The following PAX5 variants were observed in gnomAD, a reference collection of about 807,000 sequenced individuals.
PAX5 encodes paired box 5.
PAX5 carries 9 observed loss-of-function variants against 43.7 expected under a neutral mutation model. The ratio of observed to expected loss-of-function variants is 0.21; its 90% CI spans 0.12 to 0.36. The LOEUF (loss-of-function observed/expected upper bound fraction) is 0.36, where lower values mean the gene tolerates loss of function less well. Among genes scored for constraint, PAX5 ranks in the 10% least tolerant of loss-of-function variants. PAX5 has a pLI of 1.00. For missense variants in PAX5, 383 were observed against 532.7 expected (o/e 0.72, Z 2.77); for synonymous variants, 228 against 214.3 (o/e 1.06, Z -0.56).
At chr9:36,872,206 C>T (rs181532305) in intron 8 of PAX5, among the ~76,000 whole-genome samples, 189 of 146,858 alleles carry the variant, frequency 1.3e-3, no homozygotes, top group African/African-American at 4.3e-3. Context: ...GGCTCTTCTC[C>T]TTCAGTCCAG....
chr9:36,914,947 A>G (rs1829610288), intron 7 of PAX5, among the ~76,000 whole-genome samples: 2 of 152,244 alleles, frequency 1.3e-5, no homozygotes, highest in African/African-American at 4.8e-5. Flanking sequence ...ACTTCAAAGT[A>G]TATCTTAGAC....
At chr9:36,889,833 C>A (rs988770455) in intron 7 of PAX5, among the ~76,000 whole-genome samples, 2 of 151,880 alleles carry the variant, frequency 1.3e-5, no homozygotes, top group Non-Finnish European at 2.9e-5. Flanking sequence ...TCATCACGAA[C>A]TCCACAAAAT....
At chr9:37,020,047 G>A (rs936294336) in intron 2 of PAX5, among the ~76,000 whole-genome samples, 1 of 151,244 alleles carries the variant, frequency 6.6e-6, no homozygotes, top group African/African-American at 2.4e-5. Flanking sequence ...GCAGCAAATC[G>A]CCAGGTCAAG....
intron 6 of PAX5, among the ~76,000 whole-genome samples, chr9:36,954,104 C>A (rs764475248): frequency 1.1e-4 from 17 of 152,048 alleles, no homozygotes; most frequent in South Asian, 2.1e-4. Flanking sequence ...TCTAATAATT[C>A]CAAAGTCTGA....
At chr9:36,980,381 G>C (rs573330144) in intron 5 of PAX5, among the ~76,000 whole-genome samples, 7 of 152,170 alleles carry the variant, frequency 4.6e-5, no homozygotes, top group Admixed American at 6.5e-5. Context: ...AGGTGCCTCT[G>C]GGGGGAGCCA....
chr9:36,944,018 C>A (rs1832284674), intron 6 of PAX5, among the ~76,000 whole-genome samples: 1 of 151,886 alleles, frequency 6.6e-6, no homozygotes, highest in Non-Finnish European at 1.5e-5. Context: ...AGACTCCATC[C>A]CTACAAAAAT....
At chr9:36,865,531 A>G (rs1824782480) in intron 8 of PAX5, among the ~76,000 whole-genome samples, 1 of 152,120 alleles carries the variant, frequency 6.6e-6, no homozygotes, top group African/African-American at 2.4e-5. Context: ...GGAGGAAGGG[A>G]AGAGAGGAGG....
intron 9 of PAX5, among the ~76,000 whole-genome samples, chr9:36,844,869 C>G (rs1822413829): frequency 6.6e-6 from 1 of 152,208 alleles, no homozygotes; most frequent in Non-Finnish European, 1.5e-5. Context: ...GCCCCACCTC[C>G]TACACCAAGC....
chr9:36,895,276 C>T (rs923142363), intron 7 of PAX5, among the ~76,000 whole-genome samples: 6 of 152,236 alleles, frequency 3.9e-5, no homozygotes, highest in Admixed American at 2.0e-4. Context: ...CGAATGCATG[C>T]GAGGTACATG....
At chr9:36,875,091 C>T (rs1825801933) in intron 8 of PAX5, among the ~76,000 whole-genome samples, 1 of 152,168 alleles carries the variant, frequency 6.6e-6, no homozygotes, top group Admixed American at 6.5e-5. Context: ...TGGCTCAGGT[C>T]CATGCTCTTA....
At chr9:36,897,638 G>A (rs1042077450) in intron 7 of PAX5, among the ~76,000 whole-genome samples, 16 of 152,192 alleles carry the variant, frequency 1.1e-4, no homozygotes, top group African/African-American at 3.9e-4. Flanking sequence ...GCACAGCCAG[G>A]TTTGGGTCCT....
At chr9:37,026,452 C>T (rs1268599564) in intron 1 of PAX5, 13 of 1,178,900 alleles carry the variant, frequency 1.1e-5, no homozygotes, top group Middle Eastern at 2.2e-4. Flanking sequence ...TCCTTCCGGC[C>T]TTAGTACCTG....
intron 8 of PAX5, among the ~76,000 whole-genome samples, chr9:36,859,574 A>C (rs1001873890): frequency 1.1e-4 from 16 of 151,974 alleles, no homozygotes; most frequent in Admixed American, 9.2e-4. Context: ...TGAGAGTGGG[A>C]TGTGCCCCCT....
intron 6 of PAX5, among the ~76,000 whole-genome samples, chr9:36,936,743 G>A (rs1190728419): frequency 2.0e-5 from 3 of 152,112 alleles, no homozygotes; most frequent in Non-Finnish European, 4.4e-5. Context: ...TAGGGTGGCA[G>A]GGTGGGGACA....
intron 5 of PAX5, among the ~76,000 whole-genome samples, chr9:36,995,591 C>T (rs1837323834): frequency 6.6e-6 from 1 of 152,178 alleles, no homozygotes; most frequent in Non-Finnish European, 1.5e-5. Flanking sequence ...CTGAATTTAT[C>T]ACATCGAAAG....
chr9:36,986,217 G>C (rs1297961532), intron 5 of PAX5, among the ~76,000 whole-genome samples: 12 of 151,504 alleles, frequency 7.9e-5, no homozygotes, highest in Non-Finnish European at 1.6e-4. Context: ...GTTCTCAGCG[G>C]GGCCCCGGCA....
chr9:37,012,059 T>G (rs1383099366), intron 3 of PAX5, among the ~76,000 whole-genome samples: 1 of 152,034 alleles, frequency 6.6e-6, no homozygotes, highest in Non-Finnish European at 1.5e-5. Context: ...CTACACTTAG[T>G]GAGCTGTCAC....
At position 36,966,710 on chromosome 9, in the gene PAX5, G is replaced by C. The variant is rs1427738929; in HGVS notation, c.619C>G (p.Pro207Ala). 1 of 1,614,106 alleles carries C rather than the reference G, an allele frequency of 6.2e-7. No homozygotes were observed. ...RKRDEGIQES[P>A]VPNGHSLPGR... ...GGAAGCGAGTGGCCGTTCGGCACCG[G>C]AGACTCCTGAATACCTTTGATGAGC... The change falls in exon 6 of 10, where the codon CCG becomes GCG. Residue 207 changes from proline to alanine, a missense_variant. This residue lies in a region of PAX5 where 291 missense variants were observed against 342.5 expected (regional missense o/e 0.85). Transcript: ENST00000358127.
chr9:37,001,491 A>G (rs1435941333), intron 5 of PAX5, among the ~76,000 whole-genome samples: 3 of 152,226 alleles, frequency 2.0e-5, no homozygotes, highest in African/African-American at 7.2e-5. Context: ...AAGACGTCTG[A>G]CATCTGCTCA....
Sources: allele counts gnomAD v4.1 joint callset (sites outside exome capture counted in the v4.1 genomes callset), GRCh38; gene constraint gnomAD v4.1.1; regional missense constraint gnomAD v4.1.1; transcripts MANE v1.5; gene names NCBI Gene and HGNC (gene_info 2026-07-23, HGNC 2026-07-21).